The following GABRA2 variants were observed in gnomAD, a reference collection of about 807,000 sequenced individuals.
GABRA2 encodes gamma-aminobutyric acid type A receptor subunit alpha2.
Under a neutral mutation model 48.7 loss-of-function variants are expected in GABRA2, and 16 were observed. The ratio of observed to expected loss-of-function variants is 0.33; its 90% confidence interval spans 0.22 to 0.50. The LOEUF is 0.50. Ranked by LOEUF, GABRA2 falls within the 20% of genes least tolerant of loss-of-function variation. The pLI is 0.98. For synonymous variants in GABRA2, 185 were observed against 184.5 expected, an observed-to-expected ratio of 1.00 and a Z score of -0.02; for missense variants, 275 against 535.6, an observed-to-expected ratio of 0.51 and a Z score of 4.80.
chr4:46,357,519 C>A (rs570803227), intron 3 of GABRA2, among the ~76,000 whole-genome samples: 118 of 150,890 alleles, frequency 7.8e-4, no homozygotes, highest in African/African-American at 2.8e-3. Context: ...ACTTCTTAGT[C>A]CCTCAGTTTC....
intron 9 of GABRA2, among the ~76,000 whole-genome samples, chr4:46,251,156 A>G (rs376611087): frequency 4.0e-5 from 6 of 151,502 alleles, no homozygotes; most frequent in Admixed American, 2.0e-4. Context: ...AAAGTCTTGG[A>G]TTTTTGCTTA....
At chr4:46,293,237 A>G (rs138483473) in intron 8 of GABRA2, among the ~76,000 whole-genome samples, 3 of 152,330 alleles carry the variant, frequency 2.0e-5, no homozygotes, top group African/African-American at 7.2e-5. Context: ...TGGTGCCTCA[A>G]TCAGTTTCCA....
At chr4:46,362,015 G>A (rs1438859282) in intron 3 of GABRA2, among the ~76,000 whole-genome samples, 2 of 152,202 alleles carry the variant, frequency 1.3e-5, no homozygotes, top group African/African-American at 4.8e-5. Flanking sequence ...CAGGCTAATA[G>A]GAGGAATTGA....
chr4:46,363,440 A>G (rs1228640922), intron 3 of GABRA2, among the ~76,000 whole-genome samples: 1 of 152,198 alleles, frequency 6.6e-6, no homozygotes, highest in Non-Finnish European at 1.5e-5. Flanking sequence ...AGAAATAGCC[A>G]CATGGATTGA....
intron 3 of GABRA2, among the ~76,000 whole-genome samples, chr4:46,383,561 T>G (rs16859354): frequency 0.3 from 45,225 of 152,058 alleles, 7,034 homozygotes; most frequent in Middle Eastern, 0.34. Flanking sequence ...AATGAGCTTC[T>G]AATCTTAATA....
At chr4:46,327,518 T>C (rs1252156652) in intron 4 of GABRA2, among the ~76,000 whole-genome samples, 2 of 152,014 alleles carry the variant, frequency 1.3e-5, no homozygotes. Flanking sequence ...TAATTTACTT[T>C]TGATACAAAG....
At chr4:46,260,309 T>A (rs1413623961) in intron 9 of GABRA2, among the ~76,000 whole-genome samples, 1 of 151,918 alleles carries the variant, frequency 6.6e-6, no homozygotes, top group Non-Finnish European at 1.5e-5. Context: ...ACCTCAGTGA[T>A]TTTGACATAG....
At chr4:46,258,893 T>C (rs1248117874) in intron 9 of GABRA2, among the ~76,000 whole-genome samples, 2 of 151,938 alleles carry the variant, frequency 1.3e-5, no homozygotes, top group East Asian at 2.0e-4. Flanking sequence ...AATTAGATTA[T>C]AGTTGGTCGA....
intron 4 of GABRA2, among the ~76,000 whole-genome samples, chr4:46,321,854 G>T (rs969289350): frequency 2.6e-5 from 4 of 151,972 alleles, no homozygotes; most frequent in Non-Finnish European, 4.4e-5. Flanking sequence ...GCAATTAAAG[G>T]TCATAAAGTT....
intron 8 of GABRA2, among the ~76,000 whole-genome samples, chr4:46,300,833 C>T (rs1177538579): frequency 6.6e-6 from 1 of 151,998 alleles, no homozygotes; most frequent in African/African-American, 2.4e-5. Flanking sequence ...CCTTTTCTTT[C>T]TTCCTTTTTA....
rs938811939 is a variant in GABRA2 at position 46,304,411 on chromosome 4, G to A, written c.704-799C>T. On this transcript the variant is annotated intron_variant, in intron 7 of 9. Transcript: ENST00000381620. ...ATCTACCTTCCTTTCTGCTCCCTGG[G>A]TTTTAATTATTGCCAAAATGTAAGA... 4.0e-5 allele frequency among the ~76,000 whole-genome samples: 6 copies of A among 151,872 alleles called. No individual in the cohort carries two copies. The East Asian group carries it at 5.8e-4, about 15-fold the overall frequency.
chr4:46,282,300 G>T (rs1721678264), intron 8 of GABRA2, among the ~76,000 whole-genome samples: 1 of 152,116 alleles, frequency 6.6e-6, no homozygotes, highest in Non-Finnish European at 1.5e-5. Flanking sequence ...AACTAGCCAG[G>T]ACGACTGTAT....
intron 3 of GABRA2, among the ~76,000 whole-genome samples, chr4:46,361,012 T>C (rs1369968964): frequency 6.6e-6 from 1 of 152,210 alleles, no homozygotes; most frequent in Non-Finnish European, 1.5e-5. Flanking sequence ...ACTTGGGTGC[T>C]GTTAAAGGCA....
Position 46,389,777 on chromosome 4 carries a change from T to C in GABRA2, c.-53A>G. 1.0e-6 allele frequency: 1 copy of C among 968,996 alleles called. No individual in the cohort carries two copies. The highest frequency in any genetic ancestry group is 1.2e-6 in the Non-Finnish European group (1 of 827,240). The allele number at this position is 968,996 out of a possible 1,614,324, so 60.0% of individuals were successfully genotyped here. A position where few individuals can be genotyped will look rare whatever the true frequency, so the allele number is the denominator to read the frequency against. ...ATTCGGTGTTTTCTTCCTTTTGCCCTGATCTTGACGAGATAGGAAACTTGG... is the reference window on the plus strand; with the variant it reads ...ATTCGGTGTTTTCTTCCTTTTGCCCCGATCTTGACGAGATAGGAAACTTGG... On this transcript the variant is annotated 5_prime_UTR_variant, in exon 1 of 10. Coordinates refer to ENST00000381620, the MANE Select transcript of GABRA2 (RefSeq NM_000807.4).
At chr4:46,380,522 ACT>A (rs1269423337) in intron 3 of GABRA2, among the ~76,000 whole-genome samples, 1 of 152,190 alleles carries the variant, frequency 6.6e-6, no homozygotes, top group African/African-American at 2.4e-5. Context: ...TTGAGTTCTT[ACT>A]CTGTTTGCCA....
chr4:46,273,902 A>G (rs1301444894), intron 8 of GABRA2, among the ~76,000 whole-genome samples: 1 of 152,066 alleles, frequency 6.6e-6, no homozygotes, highest in Non-Finnish European at 1.5e-5. Context: ...TCCCGAGTTT[A>G]AGGGCATCTC....
At chr4:46,263,617 G>GTT (rs1479713604) in intron 8 of GABRA2, among the ~76,000 whole-genome samples, 1 of 152,054 alleles carries the variant, frequency 6.6e-6, no homozygotes, top group African/African-American at 2.4e-5. Flanking sequence ...GTTTTACACT[G>GTT]TTTTGATGAC....
intron 8 of GABRA2, among the ~76,000 whole-genome samples, chr4:46,267,518 T>G (rs1718495831): frequency 6.6e-6 from 1 of 152,044 alleles, no homozygotes; most frequent in Admixed American, 6.6e-5. Flanking sequence ...CTCTTTATTT[T>G]GGATGTCTCA....
intron 3 of GABRA2, among the ~76,000 whole-genome samples, chr4:46,334,762 A>C (rs1156874775): frequency 6.6e-6 from 1 of 152,194 alleles, no homozygotes; most frequent in Non-Finnish European, 1.5e-5. Flanking sequence ...ATAGACATAA[A>C]AAGTTATTTT....
Sources: gnomAD v4.1 joint callset for allele counts (sites outside exome capture counted in the v4.1 genomes callset) on GRCh38, gnomAD v4.1.1 for gene constraint, MANE v1.5 for transcripts, NCBI Gene and HGNC (gene_info 2026-07-23, HGNC 2026-07-21) for gene names.